RANBP3: variants seen among roughly 807,000 people sequenced by gnomAD.
RANBP3 encodes the protein ran-binding protein 3.
Under a neutral mutation model 77.3 loss-of-function variants are expected in RANBP3, and 14 were observed. The observed-to-expected ratio is 0.18, with a 90% CI of 0.12 to 0.28. RANBP3 has a LOEUF of 0.28. RANBP3 is among the 10% of genes least tolerant of loss of function. The pLI is 1.00. For missense variants in RANBP3, 586 were observed against 752.3 expected (o/e 0.78, Z 2.59); for synonymous variants, 315 against 312.4 (o/e 1.01, Z -0.09).
At chr19:5,929,800 C>T (rs2057964174) in intron 8 of RANBP3, among the ~76,000 whole-genome samples, 3 of 152,244 alleles carry the variant, frequency 2.0e-5, no homozygotes, top group Non-Finnish European at 4.4e-5. Context: ...CCTGGCGAAT[C>T]TCAACAGTAC....
intron 8 of RANBP3, among the ~76,000 whole-genome samples, chr19:5,929,669 C>T (rs2057962139): frequency 6.6e-6 from 1 of 152,230 alleles, no homozygotes; most frequent in Non-Finnish European, 1.5e-5. Flanking sequence ...ACATCTAAGC[C>T]CTCCTTAGAG....
intron 1 of RANBP3, among the ~76,000 whole-genome samples, chr19:5,967,285 A>G (rs2058479065): frequency 6.6e-6 from 1 of 152,178 alleles, no homozygotes; most frequent in South Asian, 2.1e-4. Flanking sequence ...ATGGGGACAC[A>G]CTTTTTGGAG....
rs570321586 is a variant in RANBP3, at chr19:5,977,153, G to T, written c.22+908C>A. ...CCAGTCACAGGGAGCACCGAATGGG[G>T]GAATCAGAGCCAGACAGGTAGAGAG... On this transcript the variant is annotated intron_variant, in intron 1 of 16. Coordinates refer to ENST00000340578, the MANE Select transcript of RANBP3 (RefSeq NM_007322.3). Among the ~76,000 whole-genome samples, 17 of 152,314 alleles carry T rather than the reference G, an allele frequency of 1.1e-4. 1 individual carries two copies. The South Asian group carries it at 3.3e-3, about 30-fold the overall frequency.
intron 3 of RANBP3, among the ~76,000 whole-genome samples, chr19:5,947,313 C>CAAA (rs74173074): frequency 5.1e-5 from 4 of 77,886 alleles, no homozygotes; most frequent in African/African-American, 8.8e-5. Flanking sequence ...GACTCTGTCT[C>CAAA]AAAAAAAAAA....
At chr19:5,934,650 A>C (rs868460084) in intron 5 of RANBP3, among the ~76,000 whole-genome samples, 2 of 152,166 alleles carry the variant, frequency 1.3e-5, no homozygotes, top group African/African-American at 4.8e-5. Flanking sequence ...CCTGGGCAAC[A>C]CTGCAAGACC....
Position 5,923,276 on chromosome 19 carries a change from T to C in RANBP3, c.1127A>G (p.Tyr376Cys), listed in dbSNP as rs747499177. The change falls in exon 13 of 17, where the codon TAC becomes TGC. Residue 376 changes from tyrosine to cysteine, a missense_variant. Tyr to Cys is a radical substitution (Grantham distance 194). This residue lies in a region of RANBP3 where 51 missense variants were observed against 123.2 expected (regional missense o/e 0.41). Transcript: ENST00000340578. ...KESLAESAAAYTKATARKCLL... is the reference protein window; with the variant it reads ...KESLAESAAACTKATARKCLL... Reference sequence around the variant, plus strand: ...ACACTTCCGCGCTGTTGCCTTGGTGTAGGCGGCTGCCGACTCAGCCAGGGA... The same window carrying C: ...ACACTTCCGCGCTGTTGCCTTGGTGCAGGCGGCTGCCGACTCAGCCAGGGA... The C allele has an allele frequency of 6.2e-7, 1 of 1,614,230 alleles. No homozygotes were observed. Among genetic ancestry groups the C allele is most frequent in the South Asian group, 1.1e-5 (1 of 91,088 alleles).
chr19:5,965,286 T>A (rs916583819), intron 1 of RANBP3, among the ~76,000 whole-genome samples: 3 of 152,050 alleles, frequency 2.0e-5, no homozygotes, highest in Admixed American at 1.3e-4. Flanking sequence ...AGCATCTTTA[T>A]CTAGGGAAAG....
rs989117913 is a variant in RANBP3, at chr19:5,925,363, C to A, written c.917+271G>T. On this transcript the variant is annotated intron_variant, in intron 10 of 16. Transcript: ENST00000340578. ...AGGTCCACAAGACAGAGGGCACACT[C>A]CAAGGGCTGGGCTGTAGCCTCCATG... The A allele has an allele frequency of 1.6e-5, 9 of 555,080 alleles. No homozygotes were observed. The Admixed American group carries it at 1.9e-4, about 11-fold the overall frequency. The allele number at this position is 555,080 out of a possible 1,614,324, so 34.4% of individuals were successfully genotyped here.
intron 5 of RANBP3, chr19:5,935,849 A>C (rs2058057465): frequency 2.2e-6 from 1 of 456,026 alleles, no homozygotes; most frequent in South Asian, 1.5e-5. Context: ...TCTGCAACAC[A>C]GGTCGCAACA....
intron 2 of RANBP3, among the ~76,000 whole-genome samples, chr19:5,953,058 T>C (rs1009227024): frequency 2.0e-5 from 3 of 152,166 alleles, no homozygotes; most frequent in Non-Finnish European, 4.4e-5. Context: ...AACATCCTCA[T>C]GGTAATTCAA....
At chr19:5,918,399 C>A (rs2057772775) in intron 15 of RANBP3, 97 bp downstream of exon 15, 2 of 380,910 alleles carry the variant, frequency 5.3e-6, no homozygotes, top group Non-Finnish European at 8.2e-6. Context: ...CCCCTCCCCC[C>A]TCCCCTCCCC....
intron 1 of RANBP3, among the ~76,000 whole-genome samples, chr19:5,976,023 A>G (rs2058586837): frequency 6.6e-6 from 1 of 152,146 alleles, no homozygotes; most frequent in Non-Finnish European, 1.5e-5. Flanking sequence ...GGGGCTAAGC[A>G]TTGACGGTGT....
chr19:5,942,640 G>A (rs1346895626), intron 3 of RANBP3, among the ~76,000 whole-genome samples: 1 of 148,498 alleles, frequency 6.7e-6, no homozygotes, highest in Non-Finnish European at 1.5e-5. Flanking sequence ...GGCGGAGCTT[G>A]CAGTGAGCCG....
rs528671105 is a variant in RANBP3, at chr19:5,917,247, G to T, written c.*363C>A. The T allele has an allele frequency of 3.1e-5, 11 of 356,992 alleles. No individual in the cohort carries two copies. Among genetic ancestry groups the T allele is most frequent in the South Asian group, 3.0e-4 (11 of 36,950 alleles). 22.1% of individuals were successfully genotyped at this position (356,992 alleles called of 1,614,324 possible). ...CAGGGTGGGAAGGGTGTGGGTGGCG[G>T]AGAAGCCAGGGGCTCTGGCTGGACC... On this transcript the variant is annotated 3_prime_UTR_variant, in exon 17 of 17. Transcript: ENST00000340578.
intron 1 of RANBP3, among the ~76,000 whole-genome samples, chr19:5,969,328 T>G (rs1201390986): frequency 6.6e-6 from 1 of 152,144 alleles, no homozygotes; most frequent in East Asian, 1.9e-4. Flanking sequence ...AAAGGCAAGT[T>G]CTCAAGGACC....
In RANBP3 at chr19:5,946,522, G is replaced by A. The variant is rs530213362; in HGVS notation, c.283-4687C>T. On this transcript the variant is annotated intron_variant, in intron 3 of 16. Transcript: ENST00000340578. ...AGGCTTGGGAAGAACAACACAGGAA[G>A]ATTCGACAGGGGAACCTCCTGCCAG... Among the ~76,000 whole-genome samples, 121 of 152,342 alleles carry A rather than the reference G, an allele frequency of 7.9e-4. 1 individual carries two copies. The highest frequency in any genetic ancestry group is 1.5e-3 in the Non-Finnish European group (100 of 68,032).
intron 1 of RANBP3, among the ~76,000 whole-genome samples, chr19:5,974,090 G>C (rs906022842): frequency 6.6e-6 from 1 of 152,098 alleles, no homozygotes; most frequent in Non-Finnish European, 1.5e-5. Flanking sequence ...ACGACCCCGC[G>C]AGTGAGGGGA....
At chr19:5,960,502 A>C (rs545280707) in intron 1 of RANBP3, among the ~76,000 whole-genome samples, 1 of 152,196 alleles carries the variant, frequency 6.6e-6, no homozygotes, top group African/African-American at 2.4e-5. Flanking sequence ...TATAAACTCC[A>C]TAAGATCCGA....
chr19:5,925,874 T>C (rs1056430232), intron 9 of RANBP3, 137 bp from the exon 10 acceptor site: 58 of 649,454 alleles, frequency 8.9e-5, no homozygotes, highest in Middle Eastern at 6.1e-4. Context: ...CCTGTGTGTG[T>C]GCGCGTGCAT....
Sources: gnomAD v4.1 joint callset for allele counts (sites outside exome capture counted in the v4.1 genomes callset) on GRCh38, gnomAD v4.1.1 for gene constraint, gnomAD v4.1.1 regional missense constraint, MANE v1.5 for transcripts, NCBI Gene and HGNC (gene_info 2026-07-23, HGNC 2026-07-21) for gene names.